CA10: variants seen among roughly 807,000 people sequenced by gnomAD.
The protein encoded by CA10 is carbonic anhydrase-related protein 10.
CA10 carries 14 observed loss-of-function variants against 44.2 expected under a neutral mutation model. That is an observed-to-expected ratio of 0.32 (90% CI 0.21 to 0.50). The LOEUF (loss-of-function observed/expected upper bound fraction) is 0.50, where lower values mean the gene tolerates loss of function less well. Ranked by LOEUF, CA10 falls within the 20% of genes least tolerant of loss-of-function variation. CA10 has a pLI of 0.99. For missense variants in CA10, 350 were observed against 409.7 expected (o/e 0.85, Z 1.26); for synonymous variants, 159 against 141.6 (o/e 1.12, Z -0.87).
intron 3 of CA10, among the ~76,000 whole-genome samples, chr17:51,870,921 A>G (rs1041767031): frequency 3.9e-5 from 6 of 152,198 alleles, no homozygotes; most frequent in African/African-American, 1.4e-4. Flanking sequence ...TTCCTCTAAA[A>G]ACATGTTTTT....
At chr17:51,886,577 T>C (rs1380381730) in intron 3 of CA10, among the ~76,000 whole-genome samples, 1 of 152,232 alleles carries the variant, frequency 6.6e-6, no homozygotes, top group African/African-American at 2.4e-5. Context: ...TGATTTATCA[T>C]GGTCAGCCAT....
chr17:51,981,528 T>C (rs930060946), intron 2 of CA10, among the ~76,000 whole-genome samples: 1 of 151,924 alleles, frequency 6.6e-6, no homozygotes. Flanking sequence ...GAGTGGTTGA[T>C]TGAGAAAGGA....
At chr17:51,677,974 A>G (rs1354669307) in intron 4 of CA10, among the ~76,000 whole-genome samples, 3 of 151,920 alleles carry the variant, frequency 2.0e-5, no homozygotes, top group Non-Finnish European at 4.4e-5. Context: ...TCACAATACC[A>G]AAAGGTAGAA....
At chr17:51,721,615 G>A (rs1283136404) in intron 4 of CA10, among the ~76,000 whole-genome samples, 3 of 151,910 alleles carry the variant, frequency 2.0e-5, no homozygotes, top group Admixed American at 6.6e-5. Flanking sequence ...GATTACAAGC[G>A]TGAGCCACCG....
chr17:51,956,211 G>A (rs969811803), intron 2 of CA10, among the ~76,000 whole-genome samples: 3 of 151,950 alleles, frequency 2.0e-5, no homozygotes, highest in African/African-American at 7.3e-5. Context: ...GGTTCTCCAT[G>A]TAAGTCTCCT....
chr17:51,884,637 T>C (rs191343517), intron 3 of CA10, among the ~76,000 whole-genome samples: 260 of 152,310 alleles, frequency 1.7e-3, no homozygotes, highest in African/African-American at 5.9e-3. Flanking sequence ...TAGCACTTAG[T>C]ACAAAATGAT....
chr17:52,052,772 G>C (rs1214273659), intron 2 of CA10, among the ~76,000 whole-genome samples: 1 of 152,066 alleles, frequency 6.6e-6, no homozygotes, highest in Non-Finnish European at 1.5e-5. Flanking sequence ...AGCTTACATA[G>C]GGCAATAACT....
chr17:51,760,105 T>G (rs1905178926), intron 3 of CA10, among the ~76,000 whole-genome samples: 1 of 152,204 alleles, frequency 6.6e-6, no homozygotes, highest in African/African-American at 2.4e-5. Flanking sequence ...GGAAAATGCC[T>G]TTTAAGGGGT....
At chr17:51,873,804 T>A (rs993927729) in intron 3 of CA10, among the ~76,000 whole-genome samples, 1 of 152,190 alleles carries the variant, frequency 6.6e-6, no homozygotes, top group Non-Finnish European at 1.5e-5. Context: ...TCCAGCCTAG[T>A]GTTTTTCTTC....
At chr17:51,989,043 TTG>T (rs1300657186) in intron 2 of CA10, among the ~76,000 whole-genome samples, 1 of 152,056 alleles carries the variant, frequency 6.6e-6, no homozygotes, top group Non-Finnish European at 1.5e-5. Context: ...TTCTAGATCC[TTG>T]TTCTTCAAAA....
chr17:51,881,674 C>G (rs927788822), intron 3 of CA10, among the ~76,000 whole-genome samples: 1 of 152,012 alleles, frequency 6.6e-6, no homozygotes, highest in African/African-American at 2.4e-5. Flanking sequence ...GGTGATGAAC[C>G]TCACTAACAA....
chr17:51,671,435 C>T lies in CA10; in HGVS notation c.466-17699G>A, dbSNP rs548552615. Among the ~76,000 whole-genome samples, 7 of 151,856 alleles carry T rather than the reference C, an allele frequency of 4.6e-5. No homozygotes were observed. In the South Asian group the frequency reaches 8.4e-4, roughly 18 times the overall value. ...TGTTTTTGTTTTTGAGATGGAATCT[C>T]GCTCTGTTGCCCAGGCTGGAGTGCA... On this transcript the variant is annotated intron_variant, in intron 4 of 8. Coordinates refer to ENST00000451037, the MANE Select transcript of CA10 (RefSeq NM_020178.5).
rs116431270 is a variant in CA10 at position 51,752,113 on chromosome 17, A to G, written c.280-4295T>C. 3.5e-3 allele frequency among the ~76,000 whole-genome samples: 538 copies of G among 152,176 alleles called. 1 individual carries two copies. Among genetic ancestry groups the G allele is most frequent in the African/African-American group, 0.012 (513 of 41,500 alleles). ...CCTTTTCCCCACTCTTCCCATAGAT[A>G]CCGAAATAACATTAATTTGTATTAA... On this transcript the variant is annotated intron_variant, in intron 3 of 8. Coordinates refer to ENST00000451037, the MANE Select transcript of CA10 (RefSeq NM_020178.5).
At position 52,068,324 on chromosome 17, in the gene CA10, T is replaced by C. The variant is rs1987590257; in HGVS notation, c.136+3995A>G. Among the ~76,000 whole-genome samples, 3 of 152,232 alleles carry C rather than the reference T, an allele frequency of 2.0e-5. No individual in the cohort carries two copies. In the South Asian group the frequency reaches 6.2e-4, roughly 31 times the overall value. On this transcript the variant is annotated intron_variant, in intron 2 of 8. Coordinates refer to ENST00000451037, the MANE Select transcript of CA10 (RefSeq NM_020178.5). ...GTAAAGAAGGTATCTTGCTTTCCCT[T>C]TGCCTTCTGCCATAATTGTAAGTTT...
intron 2 of CA10, among the ~76,000 whole-genome samples, chr17:51,970,858 G>T (rs771138109): frequency 6.6e-6 from 1 of 151,964 alleles, no homozygotes; most frequent in Non-Finnish European, 1.5e-5. Context: ...GAACCAAGAA[G>T]AATCGGCAAT....
chr17:52,125,644 G>C (rs995481734), intron 1 of CA10, among the ~76,000 whole-genome samples: 1 of 152,072 alleles, frequency 6.6e-6, no homozygotes, highest in Non-Finnish European at 1.5e-5. Context: ...CCTAGTTTGG[G>C]GATGAAGGTG....
At chr17:52,037,296 AAAG>A (rs765406964) in intron 2 of CA10, among the ~76,000 whole-genome samples, 11 of 152,068 alleles carry the variant, frequency 7.2e-5, no homozygotes, top group Non-Finnish European at 1.2e-4. Context: ...GAGAAGTAGA[AAAG>A]AAGTAGAAAA....
At chr17:51,723,933 C>A (rs1469352282) in intron 4 of CA10, among the ~76,000 whole-genome samples, 1 of 152,170 alleles carries the variant, frequency 6.6e-6, no homozygotes, top group African/African-American at 2.4e-5. Flanking sequence ...TGGCATTGCC[C>A]TGGGCACCTG....
intron 5 of CA10, among the ~76,000 whole-genome samples, chr17:51,649,985 TCAGC>T (rs4058506): frequency 0.61 from 92,473 of 150,634 alleles, 28,896 homozygotes; most frequent in Non-Finnish European, 0.66. Flanking sequence ...AGCCAGCCAG[TCAGC>T]CAGCCAGCCA....
Sources: allele counts gnomAD v4.1 joint callset (sites outside exome capture counted in the v4.1 genomes callset), GRCh38; gene constraint gnomAD v4.1.1; transcripts MANE v1.5; gene names NCBI Gene and HGNC (gene_info 2026-07-23, HGNC 2026-07-21).